Variants in RIN2 observed in about 807,000 individuals in gnomAD.
RIN2 encodes the protein RAB5 interacting protein 2.
Under a neutral mutation model 78.0 loss-of-function variants are expected in RIN2, and 36 were observed. The observed-to-expected ratio is 0.46, with a 90% CI of 0.35 to 0.61. RIN2 has a LOEUF of 0.61. RIN2 is among the 20% of genes least tolerant of loss of function. The pLI is 0.00. For missense variants in RIN2, 1,087 were observed against 1,159.7 expected (o/e 0.94, Z 0.91); for synonymous variants, 466 against 466.8 (o/e 1.00, Z 0.02).
chr20:19,851,336 C>T (rs959756122), intron 2 of RIN2, among the ~76,000 whole-genome samples: 1 of 152,090 alleles, frequency 6.6e-6, no homozygotes, highest in Non-Finnish European at 1.5e-5. Flanking sequence ...GGGTTCCAGA[C>T]ACAGGTGAAT....
At position 19,937,482 on chromosome 20, in the gene RIN2, A is replaced by G. The variant is rs1020398992; in HGVS notation, c.158+2283A>G. 3.3e-5 allele frequency among the ~76,000 whole-genome samples: 5 copies of G among 152,156 alleles called. 1 individual carries two copies. Among genetic ancestry groups the G allele is most frequent in the Admixed American group, 2.6e-4 (4 of 15,278 alleles). ...CCTATCCCACCACAGCCACCACGAA[A>G]TGTCTATGGTTCCTTAGTTGATGGA... is the stretch of plus-strand genomic sequence containing the variant. On this transcript the variant is annotated intron_variant, in intron 4 of 12. Coordinates refer to ENST00000255006, the MANE Select transcript of RIN2 (RefSeq NM_018993.4).
At chr20:19,808,871 G>A (rs898523171) in intron 2 of RIN2, among the ~76,000 whole-genome samples, 3 of 152,210 alleles carry the variant, frequency 2.0e-5, no homozygotes, top group African/African-American at 7.2e-5. Context: ...GGCCTTTATG[G>A]TCAGGAGACG....
At chr20:19,763,348 A>G (rs1006105210) in intron 1 of RIN2, among the ~76,000 whole-genome samples, 1 of 152,120 alleles carries the variant, frequency 6.6e-6, no homozygotes, top group Non-Finnish European at 1.5e-5. Flanking sequence ...GGATCACTCC[A>G]TTGCACTCCA....
chr20:19,903,769 T>A (rs1007430302), intron 3 of RIN2, among the ~76,000 whole-genome samples: 1 of 152,228 alleles, frequency 6.6e-6, no homozygotes, highest in Non-Finnish European at 1.5e-5. Flanking sequence ...TTGTGTTTCT[T>A]GAGGTTTCTC....
At chr20:19,795,790 G>T (rs1317784404) in intron 1 of RIN2, among the ~76,000 whole-genome samples, 1 of 152,078 alleles carries the variant, frequency 6.6e-6, no homozygotes, top group South Asian at 2.1e-4. Context: ...CATGCATCAT[G>T]GGCAAAGGAA....
At chr20:19,903,066 C>T (rs1426452370) in intron 3 of RIN2, among the ~76,000 whole-genome samples, 1 of 151,976 alleles carries the variant, frequency 6.6e-6, no homozygotes, top group Admixed American at 6.6e-5. Flanking sequence ...GTACTCCAGC[C>T]TGGGCAACAG....
intron 2 of RIN2, among the ~76,000 whole-genome samples, chr20:19,882,503 A>G (rs1473029420): frequency 6.6e-6 from 1 of 152,200 alleles, no homozygotes; most frequent in Non-Finnish European, 1.5e-5. Context: ...TTTTACCATC[A>G]TGGACAGAGA....
intron 9 of RIN2, among the ~76,000 whole-genome samples, chr20:19,980,398 G>T (rs1426345714): frequency 6.6e-6 from 1 of 152,144 alleles, no homozygotes; most frequent in Non-Finnish European, 1.5e-5. Flanking sequence ...GACACCCCTG[G>T]AGTTGTGACT....
intron 3 of RIN2, among the ~76,000 whole-genome samples, chr20:19,909,287 A>C (rs1459532270): frequency 6.6e-6 from 1 of 151,980 alleles, no homozygotes; most frequent in Admixed American, 6.6e-5. Context: ...CCCATCATTC[A>C]CCCCACACAT....
intron 2 of RIN2, 167 bp from the exon 3 acceptor site, chr20:19,889,399 G>T: frequency 8.4e-7 from 1 of 1,196,052 alleles, no homozygotes; most frequent in Non-Finnish European, 1.1e-6. Flanking sequence ...CGCTGGTGGG[G>T]ACAGGAAATT....
At chr20:19,952,093 G>T (rs549187801) in intron 4 of RIN2, among the ~76,000 whole-genome samples, 1 of 152,172 alleles carries the variant, frequency 6.6e-6, no homozygotes, top group Admixed American at 6.5e-5. Context: ...AGGCAAAGAC[G>T]TGGGCTCTGC....
chr20:19,894,936 G>C (rs1209593444), intron 3 of RIN2, among the ~76,000 whole-genome samples: 1 of 152,100 alleles, frequency 6.6e-6, no homozygotes, highest in Non-Finnish European at 1.5e-5. Flanking sequence ...TTTTCAGGCT[G>C]TGCTTCCACT....
chr20:19,870,906 C>T (rs1000996563), intron 2 of RIN2, among the ~76,000 whole-genome samples: 1 of 152,212 alleles, frequency 6.6e-6, no homozygotes, highest in African/African-American at 2.4e-5. Flanking sequence ...ACTTGGATCA[C>T]CTGGACAAGG....
In RIN2 at chr20:19,898,130, C is replaced by T. The variant is rs117190773; in HGVS notation, c.57+8472C>T. Reference sequence around the variant, plus strand: ...CTAGGAATGCTATGAGCCTATCGAACAGAAATTCCTTTTCATATTTTCAAA... The same window carrying T: ...CTAGGAATGCTATGAGCCTATCGAATAGAAATTCCTTTTCATATTTTCAAA... On this transcript the variant is annotated intron_variant, in intron 3 of 12. Transcript: ENST00000255006. Among the ~76,000 whole-genome samples, 265 of 152,370 alleles carry T rather than the reference C, an allele frequency of 1.7e-3. 1 individual carries two copies. The highest frequency in any genetic ancestry group is 7.5e-3 in the East Asian group (39 of 5,190).
At chr20:19,817,642 AC>A (rs2035803947) in intron 2 of RIN2, among the ~76,000 whole-genome samples, 1 of 152,214 alleles carries the variant, frequency 6.6e-6, no homozygotes, top group Non-Finnish European at 1.5e-5. Flanking sequence ...GATCTATTTG[AC>A]TTTTTGTATA....
At chr20:19,993,560 C>T (rs938999101) in intron 11 of RIN2, among the ~76,000 whole-genome samples, 6 of 152,096 alleles carry the variant, frequency 3.9e-5, no homozygotes, top group South Asian at 2.1e-4. Context: ...TCTCTCCTCC[C>T]GTACCCGATC....
At chr20:19,967,812 G>A (rs902535742) in intron 7 of RIN2, among the ~76,000 whole-genome samples, 8 of 151,526 alleles carry the variant, frequency 5.3e-5, no homozygotes, top group Non-Finnish European at 8.8e-5. Context: ...TCCTCAGACC[G>A]GAATAGAGGA....
At chr20:19,785,404 T>C (rs536480186) in intron 1 of RIN2, among the ~76,000 whole-genome samples, 8 of 151,880 alleles carry the variant, frequency 5.3e-5, no homozygotes, top group Non-Finnish European at 1.0e-4. Flanking sequence ...AAATCAGAAC[T>C]AAAATGGGCA....
At chr20:19,836,987 T>C (rs1183704874) in intron 2 of RIN2, among the ~76,000 whole-genome samples, 1 of 152,182 alleles carries the variant, frequency 6.6e-6, no homozygotes. Context: ...CACTGCGCCA[T>C]TGTATTAACT....
Sources: gnomAD v4.1 joint callset for allele counts (sites outside exome capture counted in the v4.1 genomes callset) on GRCh38, gnomAD v4.1.1 for gene constraint, MANE v1.5 for transcripts, NCBI Gene and HGNC (gene_info 2026-07-23, HGNC 2026-07-21) for gene names.